The following KDM2B variants were observed in gnomAD, a reference collection of about 807,000 sequenced individuals.
KDM2B encodes lysine demethylase 2B, also known as lysine-specific demethylase 2B.
In KDM2B, 26 loss-of-function variants were observed where a neutral mutation model predicts 150.0. The ratio of observed to expected loss-of-function variants is 0.17; its 90% CI spans 0.13 to 0.24. KDM2B has a LOEUF of 0.24. Ranked by LOEUF, KDM2B falls within the 10% of genes least tolerant of loss-of-function variation. The pLI is 1.00. For synonymous variants in KDM2B, 734 were observed against 729.5 expected (o/e 1.01, Z -0.10); for missense variants, 1,265 against 1,816.9 (o/e 0.70, Z 5.52).
chr12:121,509,512 C>T (rs1403428656), intron 11 of KDM2B, 55 bp downstream of exon 11: 11 of 1,584,736 alleles, frequency 6.9e-6, no homozygotes, highest in East Asian at 2.2e-5. Flanking sequence ...TCACACTGAA[C>T]GGGACCTGCC....
In KDM2B at chr12:121,513,127, G is replaced by T; in HGVS notation, c.1174+149C>A. On this transcript the variant is annotated intron_variant, in intron 10 of 22. Transcript: ENST00000377071. The surrounding 1 kb of genome is among the most constrained non-coding windows in gnomAD (Gnocchi z 5.0). ...TTCCAGGTGGGAAACTGGCAAGAAT[G>T]GCTTCCCCTGAGGGGTTCCTAGGAT... is the stretch of plus-strand genomic sequence containing the variant. The T allele has an allele frequency of 1.2e-6, 1 of 828,030 alleles. No individual in the cohort carries two copies. Among genetic ancestry groups the T allele is most frequent in the Non-Finnish European group, 1.8e-6 (1 of 546,466 alleles). The allele number at this position is 828,030 out of a possible 1,614,324, so 51.3% of individuals were successfully genotyped here.
intron 8 of KDM2B, among the ~76,000 whole-genome samples, chr12:121,529,928 C>CA (rs782115700): frequency 0.016 from 1,565 of 97,890 alleles, 23 homozygotes; most frequent in African/African-American, 0.043. Flanking sequence ...GACTCTGTCT[C>CA]AAAAAAAAAA....
intron 11 of KDM2B, among the ~76,000 whole-genome samples, chr12:121,506,098 C>T (rs538994059): frequency 5.4e-5 from 8 of 148,288 alleles, no homozygotes; most frequent in African/African-American, 1.9e-4. Context: ...TAGCCTAGAA[C>T]TCCTGGGCTC....
At chr12:121,514,615 G>A (rs1219479901) in intron 9 of KDM2B, among the ~76,000 whole-genome samples, 3 of 151,562 alleles carry the variant, frequency 2.0e-5, no homozygotes, top group Non-Finnish European at 2.9e-5. Context: ...GGGTGTCTGC[G>A]GGGACGAGAA....
At chr12:121,507,210 A>C (rs1885166075) in intron 11 of KDM2B, among the ~76,000 whole-genome samples, 1 of 151,708 alleles carries the variant, frequency 6.6e-6, no homozygotes, top group Admixed American at 6.6e-5. Flanking sequence ...CAAAAATTAC[A>C]AAAAAATTAG....
At chr12:121,522,874 C>T (rs1470921163) in intron 8 of KDM2B, among the ~76,000 whole-genome samples, 1 of 152,146 alleles carries the variant, frequency 6.6e-6, no homozygotes, top group African/African-American at 2.4e-5. Flanking sequence ...GAAAGTGAGG[C>T]ACAGAAAAAT....
At position 121,467,416 on chromosome 12, in the gene KDM2B, G is replaced by T; in HGVS notation, c.1735-14072C>A. ...GAGGGGCCGGCGGGGGAGGGCCGGG[G>T]CGCCATGCATATGCATGAGGCGAGC... On this transcript the variant is annotated intron_variant, in intron 12 of 22. Transcript: ENST00000377071. This position sits in a 1 kb window ranked among gnomAD's most constrained non-coding sequence, Gnocchi z 5.1. The T allele has an allele frequency of 2.0e-5, 18 of 909,138 alleles. No homozygotes were observed. Among genetic ancestry groups the T allele is most frequent in the Non-Finnish European group, 2.4e-5 (18 of 763,080 alleles). The allele number at this position is 909,138 out of a possible 1,614,324, so 56.3% of individuals were successfully genotyped here. A position where few individuals can be genotyped will look rare whatever the true frequency, so the allele number is the denominator to read the frequency against.
Position 121,444,498 on chromosome 12 carries a change from T to C in KDM2B, c.2142A>G (p.Pro714=). ...ESEGVVNDEL[P]NCWECPKCNH... ...TACACTTCGGACACTCCCAGCAGTT[T>C]GGAAGCTCGTCGTTGACCACACCCT... The change falls in exon 15 of 23, where the codon CCA becomes CCG. Residue 714 remains proline (P), a synonymous_variant. Coordinates refer to ENST00000377071, the MANE Select transcript of KDM2B (RefSeq NM_032590.5). 3.1e-6 allele frequency: 5 copies of C among 1,614,178 alleles called. No individual in the cohort carries two copies. Among genetic ancestry groups the C allele is most frequent in the Non-Finnish European group, 4.2e-6 (5 of 1,180,040 alleles).
chr12:121,444,004 G>T lies in KDM2B; in HGVS notation c.2451+8C>A. ...CCCCTTTGCCTCCCAGCCCCTCCTG[G>T]TCCGTACCCGCTTGCGTCCACTCAG... On this transcript the variant is annotated splice_region_variant and intron_variant, in intron 16 of 22. Coordinates refer to ENST00000377071, the MANE Select transcript of KDM2B (RefSeq NM_032590.5). The T allele has an allele frequency of 6.2e-7, 1 of 1,600,606 alleles. No homozygotes were observed. Among genetic ancestry groups the T allele is most frequent in the South Asian group, 1.1e-5 (1 of 88,890 alleles).
intron 11 of KDM2B, among the ~76,000 whole-genome samples, chr12:121,502,773 A>C (rs1317742726): frequency 3.5e-5 from 5 of 144,234 alleles, no homozygotes; most frequent in Non-Finnish European, 7.4e-5. Context: ...AAAAAAAAAA[A>C]AAAAAAAAAA....
chr12:121,577,775 C>T (rs887771416), intron 2 of KDM2B, among the ~76,000 whole-genome samples: 16 of 152,076 alleles, frequency 1.1e-4, no homozygotes, highest in African/African-American at 3.9e-4. Flanking sequence ...CCTGGGAAGG[C>T]TAGGTAGGGC....
chr12:121,452,336 A>AGAT lies in KDM2B; in HGVS notation c.1959+781_1959+783dup, dbSNP rs1877425206. On this transcript the variant is annotated intron_variant, in intron 13 of 22. Coordinates refer to ENST00000377071, the MANE Select transcript of KDM2B (RefSeq NM_032590.5). This position sits in a 1 kb window ranked among gnomAD's most constrained non-coding sequence, Gnocchi z 4.4. Reference sequence around the variant, plus strand: ...AAACACAAGAAATATGCGTGGAAGGAGATGGCTGAGGTGTCTGGGCCTGCG... The same window carrying AGAT: ...AAACACAAGAAATATGCGTGGAAGGAGATGATGGCTGAGGTGTCTGGGCCTGCG... 6.6e-6 allele frequency among the ~76,000 whole-genome samples: 1 copy of AGAT among 152,244 alleles called. No homozygotes were observed. The highest frequency in any genetic ancestry group is 2.4e-5 in the African/African-American group (1 of 41,474).
chr12:121,412,960 T>TCC, the KDM2B span, among the ~76,000 whole-genome samples: 2 of 150,876 alleles, frequency 1.3e-5, no homozygotes, highest in Admixed American at 6.6e-5. Context: ...CATGATCTGC[T>TCC]CCCCCACCTC....
rs28539740 is a variant in KDM2B, at chr12:121,549,733, G to A, written c.398-95C>T. ...CACTAAACAAAAGCTGCTCCTCCAC[G>A]TTTCCCCACAGTCCTCACCCCTCTT... On this transcript the variant is annotated intron_variant, in intron 4 of 22. Transcript: ENST00000377071. The surrounding 1 kb of genome is among the most constrained non-coding windows in gnomAD (Gnocchi z 4.4). 4.6e-3 allele frequency: 5,302 copies of A among 1,156,214 alleles called. 165 individuals carry two copies. In the African/African-American group the frequency reaches 0.072, roughly 16 times the overall value. The allele number at this position is 1,156,214 out of a possible 1,614,324, so 71.6% of individuals were successfully genotyped here. A position where few individuals can be genotyped will look rare whatever the true frequency, so the allele number is the denominator to read the frequency against.
At chr12:121,483,799 G>C (rs1193097881) in intron 12 of KDM2B, among the ~76,000 whole-genome samples, 2 of 152,118 alleles carry the variant, frequency 1.3e-5, no homozygotes, top group Non-Finnish European at 2.9e-5. Flanking sequence ...AAGCGCGTCA[G>C]CCAGGATCTT....
At chr12:121,417,605 A>G in the KDM2B span, 1 of 1,614,230 alleles carries the variant, frequency 6.2e-7, no homozygotes, top group Non-Finnish European at 8.5e-7. The surrounding 1 kb of genome is among the most constrained non-coding windows in gnomAD (Gnocchi z 5.0). Flanking sequence ...AAGAGACAGC[A>G]TTTCAGCGCC....
At chr12:121,490,984 T>C (rs1213506414) in intron 12 of KDM2B, among the ~76,000 whole-genome samples, 7 of 152,244 alleles carry the variant, frequency 4.6e-5, no homozygotes, top group Admixed American at 4.6e-4. Context: ...CACCCCAACC[T>C]GCATCCAATG....
intron 11 of KDM2B, among the ~76,000 whole-genome samples, chr12:121,502,009 G>C (rs1404189654): frequency 6.6e-6 from 1 of 152,132 alleles, no homozygotes; most frequent in African/African-American, 2.4e-5. Flanking sequence ...CCCAGAAGAG[G>C]CCGCATCAAT....
intron 12 of KDM2B, among the ~76,000 whole-genome samples, chr12:121,486,165 G>T (rs1393157338): frequency 6.7e-6 from 1 of 149,462 alleles, no homozygotes; most frequent in Non-Finnish European, 1.5e-5. Context: ...CTGGAGTTCA[G>T]TGGCACAATC....
Sources: gnomAD v4.1 joint callset for allele counts (sites outside exome capture counted in the v4.1 genomes callset) on GRCh38, gnomAD v4.1.1 for gene constraint, Gnocchi (gnomAD v3.1) non-coding constraint, MANE v1.5 for transcripts, NCBI Gene and HGNC (gene_info 2026-07-23, HGNC 2026-07-21) for gene names.